The following SLC30A9 variants were observed in gnomAD, a reference collection of about 807,000 sequenced individuals.
SLC30A9 encodes proton-coupled zinc antiporter SLC30A9, mitochondrial.
SLC30A9 carries 58 observed loss-of-function variants against 87.5 expected under a neutral mutation model. That is an observed-to-expected ratio of 0.66 (90% CI 0.54 to 0.82). The LOEUF (loss-of-function observed/expected upper bound fraction) is 0.82. Ranked by LOEUF, SLC30A9 falls within the 40% of genes least tolerant of loss-of-function variation. SLC30A9 has a pLI of 0.00. For synonymous variants in SLC30A9, 234 were observed against 233.0 expected (o/e 1.00, Z -0.04); for missense variants, 557 against 679.1 (o/e 0.82, Z 2.00).
Position 42,039,002 on chromosome 4 carries a change from C to T in SLC30A9, c.686C>T (p.Ala229Val), listed in dbSNP as rs1413896550. ...TTTTTACAGCCACGCTCCAGAACAG[C>T]ATCAGTGTTTTTTAAGGGACCAGGA... ...LGNTKPRSRTASVFFKGPGKV... is the reference protein window; with the variant it reads ...LGNTKPRSRTVSVFFKGPGKV... The change falls in exon 8 of 18, where the codon GCA becomes GTA. Residue 229 changes from alanine (A) to valine (V), a missense_variant. Transcript: ENST00000264451. The T allele has an allele frequency of 6.2e-7, 1 of 1,613,642 alleles. No individual in the cohort carries two copies. The highest frequency in any genetic ancestry group is 8.5e-7 in the Non-Finnish European group (1 of 1,179,690).
chr4:42,001,960 A>G (rs1030768982), intron 2 of SLC30A9, among the ~76,000 whole-genome samples, 180 bp downstream of exon 2: 5 of 152,106 alleles, frequency 3.3e-5, no homozygotes, highest in Admixed American at 2.0e-4. Context: ...TTTTTGACTC[A>G]GTTTTCTACG....
chr4:42,078,416 A>G (rs987032107), intron 17 of SLC30A9, 91 bp downstream of exon 17: 5 of 678,242 alleles, frequency 7.4e-6, no homozygotes, highest in Non-Finnish European at 1.3e-5. Flanking sequence ...CATCCATCAC[A>G]TGCATGCTTT....
In SLC30A9 at chr4:42,063,080, A is replaced by G. The variant is rs181235146; in HGVS notation, c.991A>G (p.Met331Val). ...GAGLSWYHGV[M>V]GLLHPQPIES... is the part of the protein sequence containing the mutation. Reference sequence around the variant, plus strand: ...AGGACTATCTTGGTACCATGGAGTCATGGGATTGCTTCATCCTCAACCAAT... The same window carrying G: ...AGGACTATCTTGGTACCATGGAGTCGTGGGATTGCTTCATCCTCAACCAAT... The change falls in exon 11 of 18, where the codon ATG (methionine) becomes GTG (valine). Residue 331 changes from methionine to valine, a missense_variant. This residue lies in a region of SLC30A9 where 467 missense variants were observed against 529.8 expected (regional missense o/e 0.88). Transcript: ENST00000264451. 1.2e-5 allele frequency: 19 copies of G among 1,613,920 alleles called. No individual in the cohort carries two copies. The highest frequency in any genetic ancestry group is 1.4e-5 in the Non-Finnish European group (17 of 1,179,864).
At chr4:42,076,754 G>C (rs1000654205) in intron 16 of SLC30A9, among the ~76,000 whole-genome samples, 3 of 152,028 alleles carry the variant, frequency 2.0e-5, no homozygotes, top group Non-Finnish European at 2.9e-5. Context: ...ACGAGGTCAA[G>C]AGATCGATCC....
intron 17 of SLC30A9, among the ~76,000 whole-genome samples, chr4:42,082,847 CAA>C (rs1210396427): frequency 2.8e-4 from 20 of 71,724 alleles, no homozygotes; most frequent in Non-Finnish European, 2.9e-4. Context: ...GACTCCATCT[CAA>C]AAAAAAAAAA....
At chr4:42,057,886 G>A (rs1316508474) in intron 9 of SLC30A9, among the ~76,000 whole-genome samples, 6 of 151,790 alleles carry the variant, frequency 4.0e-5, no homozygotes, top group Admixed American at 2.6e-4. Flanking sequence ...GGCGGATCAC[G>A]AGGTGAAGAA....
At chr4:42,067,700 C>T (rs1718136960) in intron 14 of SLC30A9, among the ~76,000 whole-genome samples, 1 of 152,176 alleles carries the variant, frequency 6.6e-6, no homozygotes, top group African/African-American at 2.4e-5. Flanking sequence ...TGCTCATTCT[C>T]CTTTTATCTA....
intron 6 of SLC30A9, 22 bp downstream of exon 6, chr4:42,023,406 T>C (rs1184615176): frequency 6.9e-7 from 1 of 1,441,982 alleles, no homozygotes; most frequent in South Asian, 1.1e-5. Flanking sequence ...CAATTTAAAG[T>C]CAAGTTAATT....
chr4:42,075,158 C>G (rs1488331565), intron 15 of SLC30A9, among the ~76,000 whole-genome samples: 3 of 139,794 alleles, frequency 2.1e-5, no homozygotes, highest in Admixed American at 7.6e-5. Flanking sequence ...ACTGCAACCT[C>G]TGCCTCCCAG....
chr4:42,046,220 G>A (rs1036720269), intron 8 of SLC30A9, among the ~76,000 whole-genome samples: 20 of 152,142 alleles, frequency 1.3e-4, no homozygotes, highest in African/African-American at 4.8e-4. Flanking sequence ...ACATAGTATT[G>A]GAAGCTCTGG....
At chr4:42,065,254 A>G in intron 11 of SLC30A9, 56 bp from the exon 12 acceptor site, 1 of 902,204 alleles carries the variant, frequency 1.1e-6, no homozygotes, top group South Asian at 1.3e-5. Context: ...TTTATATATG[A>G]ACAATTGTGA....
At chr4:41,996,206 C>G (rs964032369) in intron 1 of SLC30A9, among the ~76,000 whole-genome samples, 1 of 152,010 alleles carries the variant, frequency 6.6e-6, no homozygotes, top group Non-Finnish European at 1.5e-5. Context: ...AGCAATTCTC[C>G]TGCCTCAGCC....
intron 1 of SLC30A9, among the ~76,000 whole-genome samples, chr4:41,998,787 G>T (rs1158593698): frequency 2.0e-5 from 3 of 151,966 alleles, no homozygotes; most frequent in Non-Finnish European, 4.4e-5. Flanking sequence ...TTTAACCAGT[G>T]GTTGTGTTTC....
chr4:41,997,111 C>T (rs1200789602), intron 1 of SLC30A9, among the ~76,000 whole-genome samples: 1 of 150,294 alleles, frequency 6.7e-6, no homozygotes, highest in East Asian at 2.0e-4. Flanking sequence ...AGAGGTATGT[C>T]AAGATGCAGT....
chr4:42,043,749 C>T (rs555487665), intron 8 of SLC30A9, among the ~76,000 whole-genome samples: 1 of 152,178 alleles, frequency 6.6e-6, no homozygotes, highest in East Asian at 1.9e-4. Flanking sequence ...AGAAGAGCAA[C>T]CTCAAGTCAC....
chr4:42,073,106 TC>T (rs1718381621), intron 15 of SLC30A9, among the ~76,000 whole-genome samples: 1 of 152,156 alleles, frequency 6.6e-6, no homozygotes, highest in South Asian at 2.1e-4. Context: ...ACTCCTGACC[TC>T]AGGTGATCCA....
chr4:41,998,557 G>A (rs139109461), intron 1 of SLC30A9, among the ~76,000 whole-genome samples: 3 of 151,494 alleles, frequency 2.0e-5, no homozygotes, highest in South Asian at 2.1e-4. Flanking sequence ...TCCGCCTCCC[G>A]GGTTCAAGCG....
In SLC30A9 at chr4:42,049,498, T is replaced by C. The variant is rs1252337892; in HGVS notation, c.840+19T>C. ...TAATCAGGTGAGGACTAAAGCTTTT[T>C]TTATAAGTCAATTTTAAAGTAATAG... On this transcript the variant is annotated intron_variant, in intron 9 of 17. Coordinates refer to ENST00000264451, the MANE Select transcript of SLC30A9 (RefSeq NM_006345.4). 1 of 1,323,138 alleles carries C rather than the reference T, an allele frequency of 7.6e-7. No individual in the cohort carries two copies. The highest frequency in any genetic ancestry group is 2.1e-5 in the Admixed American group (1 of 46,746). 82.0% of individuals were successfully genotyped at this position (1,323,138 alleles called of 1,614,324 possible). A position where few individuals can be genotyped will look rare whatever the true frequency, so the allele number is the denominator to read the frequency against.
intron 7 of SLC30A9, among the ~76,000 whole-genome samples, chr4:42,037,000 T>C (rs1049584367): frequency 6.6e-6 from 1 of 152,234 alleles, no homozygotes; most frequent in Non-Finnish European, 1.5e-5. Flanking sequence ...TGTTGACTTA[T>C]GAAATCTTTG....
Sources: allele counts gnomAD v4.1 joint callset (sites outside exome capture counted in the v4.1 genomes callset), GRCh38; gene constraint gnomAD v4.1.1; regional missense constraint gnomAD v4.1.1; transcripts MANE v1.5; gene names NCBI Gene and HGNC (gene_info 2026-07-23, HGNC 2026-07-21).